The following PRKN variants were observed in gnomAD, a reference collection of about 807,000 sequenced individuals.
PRKN encodes the protein parkin RBR E3 ubiquitin protein ligase.
A neutral mutation model predicts 59.5 loss-of-function variants in PRKN; 56 were observed. The ratio of observed to expected loss-of-function variants is 0.94; its 90% CI spans 0.76 to 1.18. The LOEUF (loss-of-function observed/expected upper bound fraction) is 1.18, where lower values mean the gene tolerates loss of function less well. Ranked by LOEUF, PRKN falls within the 50% of genes most tolerant of loss-of-function variation. The pLI, the probability that PRKN is intolerant of heterozygous loss-of-function variation, is 0.00. For missense variants in PRKN, 657 were observed against 596.4 expected, an observed-to-expected ratio of 1.10 and a Z score of -1.06; for synonymous variants, 250 against 222.1, an observed-to-expected ratio of 1.13 and a Z score of -1.12.
intron 7 of PRKN, among the ~76,000 whole-genome samples, chr6:161,600,244 G>C (rs1430444029): frequency 1.3e-5 from 2 of 151,874 alleles, no homozygotes; most frequent in Non-Finnish European, 2.9e-5. Flanking sequence ...TGATCAGCTA[G>C]AGTTATATTC....
intron 7 of PRKN, among the ~76,000 whole-genome samples, chr6:161,603,773 A>T (rs942295301): frequency 6.6e-6 from 1 of 152,232 alleles, no homozygotes; most frequent in African/African-American, 2.4e-5. Flanking sequence ...AGCTCTGGGA[A>T]TGCCTCACAG....
At chr6:162,158,779 C>T (rs1220618416) in intron 4 of PRKN, among the ~76,000 whole-genome samples, 1 of 151,902 alleles carries the variant, frequency 6.6e-6, no homozygotes, top group Non-Finnish European at 1.5e-5. Context: ...CCTCCTCCCG[C>T]CTTCATCCAA....
intron 4 of PRKN, among the ~76,000 whole-genome samples, chr6:162,097,112 G>A (rs1262190932): frequency 5.3e-5 from 8 of 152,100 alleles, no homozygotes; most frequent in Middle Eastern, 3.4e-3. Context: ...TCCTGACCTC[G>A]TGATCTGCCC....
At chr6:162,462,859 C>T (rs113395457) in intron 1 of PRKN, among the ~76,000 whole-genome samples, 2,530 of 152,044 alleles carry the variant, frequency 0.017, 77 homozygotes, top group African/African-American at 0.058. Context: ...TTTTGGAGGC[C>T]GAGGTGGGTG....
At chr6:161,742,281 G>C (rs1788222128) in intron 7 of PRKN, among the ~76,000 whole-genome samples, 1 of 152,074 alleles carries the variant, frequency 6.6e-6, no homozygotes, top group Non-Finnish European at 1.5e-5. Flanking sequence ...TGATGGTTTT[G>C]GGAGTTCCCC....
At chr6:161,412,411 T>C (rs896350514) in intron 9 of PRKN, among the ~76,000 whole-genome samples, 8 of 149,218 alleles carry the variant, frequency 5.4e-5, no homozygotes, top group African/African-American at 1.7e-4. Context: ...CACGCATTCC[T>C]CCACTCACTC....
At chr6:161,635,524 T>A (rs761490820) in intron 7 of PRKN, among the ~76,000 whole-genome samples, 1 of 152,246 alleles carries the variant, frequency 6.6e-6, no homozygotes. Flanking sequence ...CAATCTCTAT[T>A]ACAAGGACAT....
intron 1 of PRKN, among the ~76,000 whole-genome samples, chr6:162,645,714 C>T (rs901155163): frequency 5.3e-5 from 8 of 152,072 alleles, no homozygotes; most frequent in South Asian, 2.1e-4. Flanking sequence ...ATCAACAAAT[C>T]GGATATAACT....
At chr6:162,294,254 C>CT (rs766804556) in intron 2 of PRKN, among the ~76,000 whole-genome samples, 1 of 152,104 alleles carries the variant, frequency 6.6e-6, no homozygotes, top group Non-Finnish European at 1.5e-5. Context: ...GCTCTGTTTC[C>CT]TGGCCCCATT....
At chr6:162,146,396 T>A (rs1782027959) in intron 4 of PRKN, among the ~76,000 whole-genome samples, 1 of 151,816 alleles carries the variant, frequency 6.6e-6, no homozygotes, top group African/African-American at 2.4e-5. Flanking sequence ...CCTTTGGAAA[T>A]CATGTAAGAA....
chr6:161,657,355 A>G (rs890802385), intron 7 of PRKN, among the ~76,000 whole-genome samples: 1 of 152,164 alleles, frequency 6.6e-6, no homozygotes, highest in African/African-American at 2.4e-5. Context: ...TTAAAGGCGA[A>G]TATGAATAAG....
At chr6:162,493,267 G>A (rs937609769) in intron 1 of PRKN, among the ~76,000 whole-genome samples, 1 of 152,174 alleles carries the variant, frequency 6.6e-6, no homozygotes, top group Non-Finnish European at 1.5e-5. Context: ...AGGACCAAAG[G>A]TGACTTCTCC....
intron 1 of PRKN, among the ~76,000 whole-genome samples, chr6:162,641,011 T>A (rs985231710): frequency 1.3e-5 from 2 of 152,152 alleles, no homozygotes; most frequent in African/African-American, 4.8e-5. Flanking sequence ...AACTATTTCA[T>A]AAGGGTTTCC....
At chr6:161,850,109 A>G (rs1793365254) in intron 6 of PRKN, among the ~76,000 whole-genome samples, 1 of 152,172 alleles carries the variant, frequency 6.6e-6, no homozygotes, top group Non-Finnish European at 1.5e-5. Context: ...ATGGCGTCAC[A>G]GGTACTGGAC....
At chr6:162,527,263 C>T (rs1304755042) in intron 1 of PRKN, among the ~76,000 whole-genome samples, 2 of 152,114 alleles carry the variant, frequency 1.3e-5, no homozygotes, top group Non-Finnish European at 2.9e-5. Flanking sequence ...AGAGCAAGAC[C>T]GACAAGCAAG....
chr6:162,148,438 T>A (rs1782120987), intron 4 of PRKN, among the ~76,000 whole-genome samples: 1 of 151,390 alleles, frequency 6.6e-6, no homozygotes, highest in Non-Finnish European at 1.5e-5. Flanking sequence ...AACTAAACTA[T>A]CAAGATTAAG....
intron 1 of PRKN, among the ~76,000 whole-genome samples, chr6:162,589,060 C>G (rs1167098785): frequency 6.6e-6 from 1 of 152,142 alleles, no homozygotes; most frequent in Non-Finnish European, 1.5e-5. Context: ...CTTTGGGCAC[C>G]ATGGCTCATC....
At chr6:161,702,585 C>T (rs1368956800) in intron 7 of PRKN, among the ~76,000 whole-genome samples, 2 of 151,906 alleles carry the variant, frequency 1.3e-5, no homozygotes, top group Admixed American at 6.6e-5. Context: ...TACTGAGTGT[C>T]AGTCTGGGAA....
chr6:162,350,208 T>A (rs1784567883), intron 2 of PRKN, among the ~76,000 whole-genome samples: 1 of 151,964 alleles, frequency 6.6e-6, no homozygotes, highest in Non-Finnish European at 1.5e-5. Context: ...TAAAGTAGCC[T>A]CAAGTAAATG....
Sources: gnomAD v4.1 joint callset for allele counts (sites outside exome capture counted in the v4.1 genomes callset) on GRCh38, gnomAD v4.1.1 for gene constraint, MANE v1.5 for transcripts, NCBI Gene and HGNC (gene_info 2026-07-23, HGNC 2026-07-21) for gene names.